Variants in GXYLT1 observed in about 807,000 individuals in gnomAD.
GXYLT1 encodes the protein glycosyltransferase 8 domain containing 3.
A neutral mutation model predicts 54.0 loss-of-function variants in GXYLT1; 29 were observed. The observed-to-expected ratio is 0.54, with a 90% CI of 0.40 to 0.73. The LOEUF is 0.73. Among genes scored for constraint, GXYLT1 ranks in the 30% least tolerant of loss-of-function variants. The probability of loss-of-function intolerance (pLI) is 0.00; values close to 1 mark genes in which losing one functional copy is unlikely to be tolerated. For missense variants in GXYLT1, 490 were observed against 553.4 expected (o/e 0.89, Z 1.15); for synonymous variants, 176 against 204.1 (o/e 0.86, Z 1.17).
Position 42,081,845 on chromosome 12 carries a change from T to A in GXYLT1, c.*5941A>T, listed in dbSNP as rs2065255937. 1 of 152,152 alleles carries A rather than the reference T, an allele frequency of 6.6e-6. No homozygotes were observed. The highest frequency in any genetic ancestry group is 1.5e-5 in the Non-Finnish European group (1 of 68,022). 9.4% of individuals were successfully genotyped at this position (152,152 alleles called of 1,614,324 possible). ...TTGCTAAAATAATCCAGACATATAA[T>A]TTGAGGAAATAAAACGTTTATTGAG... On this transcript the variant is annotated 3_prime_UTR_variant, in exon 8 of 8. Transcript: ENST00000398675.
In GXYLT1 at chr12:42,144,792, C is replaced by A; in HGVS notation, c.-146G>T. The A allele has an allele frequency of 2.0e-6, 1 of 497,752 alleles. No homozygotes were observed. The allele number at this position is 497,752 out of a possible 1,614,324, so 30.8% of individuals were successfully genotyped here. On this transcript the variant is annotated 5_prime_UTR_variant, in exon 1 of 8. Coordinates refer to ENST00000398675, the MANE Select transcript of GXYLT1 (RefSeq NM_173601.2). ...CGCCTTGCGCCCGCTCCCTTCCTTC[C>A]CTCCCCGCCCACCACCTAGGCGAGC...
intron 4 of GXYLT1, among the ~76,000 whole-genome samples, chr12:42,107,698 A>C (rs1181642643): frequency 1.3e-5 from 2 of 152,082 alleles, no homozygotes; most frequent in Non-Finnish European, 2.9e-5. Flanking sequence ...CTCAAAAAAA[A>C]AGGTGTTGGG....
intron 5 of GXYLT1, among the ~76,000 whole-genome samples, chr12:42,098,921 C>T (rs1212425241): frequency 1.3e-5 from 2 of 151,708 alleles, no homozygotes; most frequent in African/African-American, 4.8e-5. Context: ...AAAACGCAAG[C>T]AAAGAATTCT....
chr12:42,127,378 T>C (rs117829844), intron 2 of GXYLT1, among the ~76,000 whole-genome samples: 161 of 152,278 alleles, frequency 1.1e-3, no homozygotes, highest in South Asian at 1.9e-3. Context: ...TAGCATGATA[T>C]AATGGATGCA....
At chr12:42,109,789 G>A in intron 3 of GXYLT1, 98 bp from the exon 4 acceptor site, 1 of 713,278 alleles carries the variant, frequency 1.4e-6, no homozygotes, top group Non-Finnish European at 2.3e-6. Flanking sequence ...TAAAAATTAA[G>A]ATAATATACA....
chr12:42,109,432 C>T lies in GXYLT1; in HGVS notation c.612+134G>A, dbSNP rs531021942. The T allele has an allele frequency of 9.3e-5, 51 of 547,244 alleles. No individual in the cohort carries two copies. The South Asian group carries it at 1.7e-3, about 19-fold the overall frequency. 33.9% of individuals were successfully genotyped at this position (547,244 alleles called of 1,614,324 possible). ...TTTCATGTTCAAAAGGAAGATAGTA[C>T]ATGCATTGATTTCTATTTACTAATT... On this transcript the variant is annotated intron_variant, in intron 4 of 7. Transcript: ENST00000398675.
At chr12:42,140,139 C>G (rs2065643133) in intron 1 of GXYLT1, among the ~76,000 whole-genome samples, 1 of 136,708 alleles carries the variant, frequency 7.3e-6, no homozygotes, top group African/African-American at 2.8e-5. Flanking sequence ...TGAGATCGCA[C>G]CACTGCACTG....
intron 5 of GXYLT1, among the ~76,000 whole-genome samples, chr12:42,101,380 A>G (rs1251776010): frequency 1.3e-5 from 2 of 152,212 alleles, no homozygotes; most frequent in Non-Finnish European, 2.9e-5. Flanking sequence ...ATACAACTAC[A>G]TATCCATACT....
intron 1 of GXYLT1, among the ~76,000 whole-genome samples, chr12:42,132,659 C>G (rs935831186): frequency 1.3e-5 from 2 of 152,182 alleles, no homozygotes; most frequent in African/African-American, 2.4e-5. Flanking sequence ...AAAACGCCCA[C>G]GTGAGCTAGA....
intron 1 of GXYLT1, among the ~76,000 whole-genome samples, chr12:42,131,896 A>G (rs2065595747): frequency 6.6e-6 from 1 of 152,212 alleles, no homozygotes; most frequent in Non-Finnish European, 1.5e-5. Flanking sequence ...AGATGATAGC[A>G]CAGCTTTATT....
At position 42,129,866 on chromosome 12, in the gene GXYLT1, C is replaced by A; in HGVS notation, c.222-15G>T. 2 of 1,547,876 alleles carry A rather than the reference C, an allele frequency of 1.3e-6. No individual in the cohort carries two copies. The highest frequency in any genetic ancestry group is 1.4e-5 in the African/African-American group (1 of 73,656). On this transcript the variant is annotated splice_polypyrimidine_tract_variant and intron_variant, in intron 1 of 7. Coordinates refer to ENST00000398675, the MANE Select transcript of GXYLT1 (RefSeq NM_173601.2). Reference sequence around the variant, plus strand: ...AATCTTTACACCTAACAGAGTAAGACAGAAATAAGAGTCCTGTGTGAGTAT... The same window carrying A: ...AATCTTTACACCTAACAGAGTAAGAAAGAAATAAGAGTCCTGTGTGAGTAT...
chr12:42,114,330 T>C (rs997180138), intron 3 of GXYLT1, among the ~76,000 whole-genome samples: 5 of 152,098 alleles, frequency 3.3e-5, no homozygotes, highest in Admixed American at 3.3e-4. Flanking sequence ...AAAAGATTAA[T>C]GAATCCAGGA....
intron 3 of GXYLT1, among the ~76,000 whole-genome samples, chr12:42,113,544 C>T (rs772334170): frequency 6.6e-6 from 1 of 151,136 alleles, no homozygotes; most frequent in Non-Finnish European, 1.5e-5. Context: ...AAGGCCATTA[C>T]ATAATGGTAA....
At chr12:42,131,657 G>T (rs80132740) in intron 1 of GXYLT1, among the ~76,000 whole-genome samples, 6,922 of 152,264 alleles carry the variant, frequency 0.045, 222 homozygotes, top group South Asian at 0.066. Context: ...AGAAAGAGAA[G>T]AAAATGTGTA....
Position 42,127,476 on chromosome 12 carries a change from A to G in GXYLT1, c.314+2283T>C, listed in dbSNP as rs146172521. 2.1e-3 allele frequency among the ~76,000 whole-genome samples: 322 copies of G among 152,326 alleles called. 2 individuals carry two copies. The highest frequency in any genetic ancestry group is 7.3e-3 in the African/African-American group (304 of 41,566). On this transcript the variant is annotated intron_variant, in intron 2 of 7. Transcript: ENST00000398675. The stretch of plus-strand genomic sequence containing the variant: ...TTACAGGCACAAGGCTTACAACATT[A>G]TGTATCCATCCACATATGATTTATT...
chr12:42,105,787 A>C (rs565078936), intron 5 of GXYLT1, 31 bp downstream of exon 5: 1 of 1,546,896 alleles, frequency 6.5e-7, no homozygotes, highest in South Asian at 1.3e-5. Context: ...TTTTAGAGAA[A>C]TGTTAACAAC....
intron 1 of GXYLT1, 33 bp from the exon 2 acceptor site, chr12:42,129,884 G>A: frequency 7.0e-7 from 1 of 1,427,100 alleles, no homozygotes; most frequent in Non-Finnish European, 9.8e-7. Flanking sequence ...AGAGTCCTGT[G>A]TGAGTATTTT....
rs2065512916 is a variant in GXYLT1 at position 42,118,923 on chromosome 12, C to T, written c.486+77G>A. On this transcript the variant is annotated intron_variant, in intron 3 of 7. Transcript: ENST00000398675. Reference sequence around the variant, plus strand: ...AGTTATTTCTAGCAATGTGAACAGACTATTACAACAACATTCTATTATAGT... The same window carrying T: ...AGTTATTTCTAGCAATGTGAACAGATTATTACAACAACATTCTATTATAGT... The T allele has an allele frequency of 6.4e-6, 7 of 1,092,406 alleles. No homozygotes were observed. The South Asian group carries it at 1.2e-4, about 18-fold the overall frequency. The allele number at this position is 1,092,406 out of a possible 1,614,324, so 67.7% of individuals were successfully genotyped here.
intron 7 of GXYLT1, among the ~76,000 whole-genome samples, chr12:42,096,791 G>A (rs948197262): frequency 2.6e-5 from 4 of 152,130 alleles, no homozygotes; most frequent in African/African-American, 9.7e-5. Flanking sequence ...ACACTGTGGA[G>A]AAAATAAATG....
Sources: gnomAD v4.1 joint callset for allele counts (sites outside exome capture counted in the v4.1 genomes callset) on GRCh38, gnomAD v4.1.1 for gene constraint, MANE v1.5 for transcripts, NCBI Gene and HGNC (gene_info 2026-07-23, HGNC 2026-07-21) for gene names.